ADAMTS2: variants seen among roughly 807,000 people sequenced by gnomAD.
The protein encoded by ADAMTS2 is ADAM metallopeptidase with thrombospondin type 1 motif 2, also known as A disintegrin and metalloproteinase with thrombospondin motifs 2.
In ADAMTS2, 50 loss-of-function variants were observed where a neutral mutation model predicts 123.0. The observed-to-expected ratio is 0.41, with a 90% confidence interval of 0.32 to 0.51. The LOEUF is 0.51. Ranked by LOEUF, ADAMTS2 falls within the 20% of genes least tolerant of loss-of-function variation. ADAMTS2 has a pLI of 0.35. For synonymous variants in ADAMTS2, 678 were observed against 695.4 expected (o/e 0.98, Z 0.39); for missense variants, 1,494 against 1,705.2 (o/e 0.88, Z 2.18).
intron 2 of ADAMTS2, among the ~76,000 whole-genome samples, chr5:179,274,544 C>A (rs544242591): frequency 3.3e-5 from 5 of 152,240 alleles, no homozygotes; most frequent in Non-Finnish European, 7.3e-5. Context: ...CCACACCCCC[C>A]CCAAAGTAAC....
At chr5:179,142,221 C>T (rs1451050566) in intron 10 of ADAMTS2, among the ~76,000 whole-genome samples, 1 of 152,126 alleles carries the variant, frequency 6.6e-6, no homozygotes, top group Admixed American at 6.5e-5. Context: ...AAGAGGAGGC[C>T]AATGGTCCTA....
chr5:179,141,122 T>A (rs1293000333), intron 10 of ADAMTS2, among the ~76,000 whole-genome samples: 1 of 152,172 alleles, frequency 6.6e-6, no homozygotes, highest in Non-Finnish European at 1.5e-5. Flanking sequence ...GCCGACTGCA[T>A]ACTCTTTAAC....
At chr5:179,223,742 AGTGTATGTGAGTGCATGTGC>A (rs1457034903) in intron 3 of ADAMTS2, among the ~76,000 whole-genome samples, 3 of 152,116 alleles carry the variant, frequency 2.0e-5, no homozygotes, top group Admixed American at 1.3e-4. Flanking sequence ...ATCACATGTG[AGTGTATGTGAGTGCATGTGC>A]GTGTATGTGA....
chr5:179,339,082 G>A (rs530119326), intron 2 of ADAMTS2, among the ~76,000 whole-genome samples: 12 of 152,310 alleles, frequency 7.9e-5, no homozygotes, highest in Non-Finnish European at 1.2e-4. Flanking sequence ...GGCCACAACC[G>A]TGTTCACCAC....
Position 179,242,219 on chromosome 5 carries a change from G to A in ADAMTS2, c.688+30692C>T, listed in dbSNP as rs1765685975. On this transcript the variant is annotated intron_variant, in intron 3 of 21. Coordinates refer to ENST00000251582, the MANE Select transcript of ADAMTS2 (RefSeq NM_014244.5). The surrounding 1 kb of genome is among the most constrained non-coding windows in gnomAD (Gnocchi z 4.2). ...TGCAGAAGAGAGCCAAGTCCTAGGA[G>A]GAGGAGAGACGCTGAGCCTTGGCAG... 6.6e-6 allele frequency among the ~76,000 whole-genome samples: 1 copy of A among 152,230 alleles called. No individual in the cohort carries two copies. Among genetic ancestry groups the A allele is most frequent in the Admixed American group, 6.5e-5 (1 of 15,290 alleles).
chr5:179,202,171 G>A lies in ADAMTS2; in HGVS notation c.891+5342C>T, dbSNP rs187290169. On this transcript the variant is annotated intron_variant, in intron 4 of 21. Transcript: ENST00000251582. This position sits in a 1 kb window ranked among gnomAD's most constrained non-coding sequence, Gnocchi z 4.0. ...CTCCCCTCCACCTCTGGAAGACTGCGGCGGCCGGCCTTGCCGGCCCCGACT... is the reference window on the plus strand; with the variant it reads ...CTCCCCTCCACCTCTGGAAGACTGCAGCGGCCGGCCTTGCCGGCCCCGACT... 3.0e-4 allele frequency among the ~76,000 whole-genome samples: 46 copies of A among 152,192 alleles called. 1 individual carries two copies. In the Middle Eastern group the frequency reaches 0.014, roughly 45 times the overall value.
chr5:179,298,215 G>A (rs1391244801), intron 2 of ADAMTS2, among the ~76,000 whole-genome samples: 1 of 146,920 alleles, frequency 6.8e-6, no homozygotes, highest in Non-Finnish European at 1.5e-5. Flanking sequence ...GAGGCTCGGG[G>A]AACCCAGGCT....
intron 2 of ADAMTS2, among the ~76,000 whole-genome samples, chr5:179,299,440 A>G (rs1246481356): frequency 7.7e-6 from 1 of 130,048 alleles, no homozygotes; most frequent in Non-Finnish European, 1.6e-5. Context: ...GAGGCAGGAG[A>G]ATGGTGTGAA....
intron 2 of ADAMTS2, among the ~76,000 whole-genome samples, chr5:179,326,199 T>C (rs937588490): frequency 8.3e-6 from 1 of 119,772 alleles, no homozygotes; most frequent in Non-Finnish European, 1.8e-5. Flanking sequence ...CGTTTGTGTG[T>C]GCGTGTGTGT....
intron 2 of ADAMTS2, among the ~76,000 whole-genome samples, chr5:179,327,980 A>G (rs1162403949): frequency 6.6e-6 from 1 of 152,240 alleles, no homozygotes; most frequent in Non-Finnish European, 1.5e-5. Flanking sequence ...AGAAACTCAT[A>G]TATCTGGGAA....
chr5:179,203,132 A>ATT (rs1764604791), intron 4 of ADAMTS2, among the ~76,000 whole-genome samples: 1 of 152,132 alleles, frequency 6.6e-6, no homozygotes, highest in South Asian at 2.1e-4. Flanking sequence ...CTGTGCCTGC[A>ATT]CTCAGCCTGC....
intron 2 of ADAMTS2, among the ~76,000 whole-genome samples, chr5:179,335,700 T>C (rs1757595556): frequency 1.3e-5 from 2 of 152,250 alleles, no homozygotes; most frequent in African/African-American, 2.4e-5. Context: ...TTTCATCATA[T>C]GTCCAGAAGC....
rs947647210 is a variant in ADAMTS2, at chr5:179,303,681, G to A, written c.535-30617C>T. On this transcript the variant is annotated intron_variant, in intron 2 of 21. Transcript: ENST00000251582. The surrounding 1 kb of genome is among the most constrained non-coding windows in gnomAD (Gnocchi z 4.7). ...CTTTTCTTCGTGTTCTCACACGCCA[G>A]CTCATGGCAGCCCACAGGCACCTAA... Among the ~76,000 whole-genome samples the A allele has an allele frequency of 6.6e-6, 1 of 152,174 alleles. No homozygotes were observed. Among genetic ancestry groups the A allele is most frequent in the Non-Finnish European group, 1.5e-5 (1 of 68,030 alleles).
chr5:179,170,794 T>C lies in ADAMTS2; in HGVS notation c.975+10278A>G, dbSNP rs1763801242. Among the ~76,000 whole-genome samples the C allele has an allele frequency of 6.6e-6, 1 of 152,128 alleles. No individual in the cohort carries two copies. Among genetic ancestry groups the C allele is most frequent in the African/African-American group, 2.4e-5 (1 of 41,416 alleles). ...TGGACACAGGGCTCCTCTCCCCTCC[T>C]CGTTCATGCACCTCCCTGGGATTAA... On this transcript the variant is annotated intron_variant, in intron 5 of 21. Coordinates refer to ENST00000251582, the MANE Select transcript of ADAMTS2 (RefSeq NM_014244.5). This position sits in a 1 kb window ranked among gnomAD's most constrained non-coding sequence, Gnocchi z 4.3.
intron 3 of ADAMTS2, among the ~76,000 whole-genome samples, chr5:179,252,182 A>AT (rs1186132334): frequency 1.3e-5 from 2 of 151,220 alleles, no homozygotes; most frequent in Non-Finnish European, 1.5e-5. Context: ...TAATTTTTAG[A>AT]TTTTTTTGGT....
rs114393028 is a variant in ADAMTS2, at chr5:179,130,193, C to G, written c.2291-95G>C. On this transcript the variant is annotated intron_variant, in intron 15 of 21. Transcript: ENST00000251582. This position sits in a 1 kb window ranked among gnomAD's most constrained non-coding sequence, Gnocchi z 4.3. ...CTGGTCGGGGAGTGGGGGCAGCTAG[C>G]TGGACCCCTTGTCTCTCTGGCTGCC... is the stretch of plus-strand genomic sequence containing the variant. 1.5e-3 allele frequency: 2,268 copies of G among 1,495,830 alleles called. 33 individuals carry two copies. The African/African-American group carries it at 0.028, about 19-fold the overall frequency. The allele number at this position is 1,495,830 out of a possible 1,614,324, so 92.7% of individuals were successfully genotyped here.
intron 3 of ADAMTS2, among the ~76,000 whole-genome samples, chr5:179,238,610 G>A (rs1765590035): frequency 6.6e-6 from 1 of 152,144 alleles, no homozygotes; most frequent in Non-Finnish European, 1.5e-5. Context: ...TCTAGAAAGG[G>A]CATCCAGGCG....
At chr5:179,219,500 G>A (rs1765076254) in intron 3 of ADAMTS2, among the ~76,000 whole-genome samples, 1 of 152,234 alleles carries the variant, frequency 6.6e-6, no homozygotes, top group South Asian at 2.1e-4. Flanking sequence ...TCTGCCCTGT[G>A]CCTGCACCTC....
At chr5:179,230,883 C>T (rs553263473) in intron 3 of ADAMTS2, among the ~76,000 whole-genome samples, 5 of 152,104 alleles carry the variant, frequency 3.3e-5, no homozygotes, top group African/African-American at 7.2e-5. Context: ...TGGTGGTGGG[C>T]GCCTGTAATT....
Sources: gnomAD v4.1 joint callset for allele counts (sites outside exome capture counted in the v4.1 genomes callset) on GRCh38, gnomAD v4.1.1 for gene constraint, Gnocchi (gnomAD v3.1) non-coding constraint, MANE v1.5 for transcripts, NCBI Gene and HGNC (gene_info 2026-07-23, HGNC 2026-07-21) for gene names.